The following PCDHGA2 variants were observed in gnomAD, a reference collection of about 807,000 sequenced individuals.
The protein encoded by PCDHGA2 is protocadherin gamma subfamily A, 2, also known as protocadherin gamma-A2.
In PCDHGA2, 40 loss-of-function variants were observed where a neutral mutation model predicts 59.2. The observed-to-expected ratio is 0.68, with a 90% CI of 0.52 to 0.88. PCDHGA2 has a LOEUF of 0.88. PCDHGA2 is among the 40% of genes least tolerant of loss of function. PCDHGA2 has a pLI of 0.00. For synonymous variants in PCDHGA2, 560 were observed against 526.0 expected (o/e 1.06, Z -0.89); for missense variants, 1,226 against 1,204.0 (o/e 1.02, Z -0.27).
At chr5:141,402,019 C>A (rs1354499456) in intron 1 of PCDHGA2, among the ~76,000 whole-genome samples, 1 of 152,084 alleles carries the variant, frequency 6.6e-6, no homozygotes, top group Non-Finnish European at 1.5e-5. Flanking sequence ...GCATTTGAAT[C>A]ATTGAAACAC....
chr5:141,419,423 C>A, intron 1 of PCDHGA2: 1 of 1,613,368 alleles, frequency 6.2e-7, no homozygotes, highest in Non-Finnish European at 8.5e-7. Context: ...CGCCTTCGAC[C>A]ACGAGCAGCT....
intron 1 of PCDHGA2, chr5:141,393,347 C>A: frequency 6.2e-7 from 1 of 1,613,980 alleles, no homozygotes; most frequent in Non-Finnish European, 8.5e-7. Context: ...ATCACCACTT[C>A]TCCCTGGACG....
chr5:141,383,109 T>A, intron 1 of PCDHGA2: 1 of 1,613,908 alleles, frequency 6.2e-7, no homozygotes, highest in Non-Finnish European at 8.5e-7. Context: ...TCTCCAGAGG[T>A]AGGACGCAGC....
intron 1 of PCDHGA2, among the ~76,000 whole-genome samples, chr5:141,348,942 T>C (rs1370921552): frequency 6.6e-6 from 1 of 152,250 alleles, no homozygotes; most frequent in Non-Finnish European, 1.5e-5. Context: ...GTTCTAAGCC[T>C]GGAACTACAG....
At chr5:141,506,993 C>T (rs781663602) in intron 3 of PCDHGA2, 18 of 152,184 alleles carry the variant, frequency 1.2e-4, no homozygotes, top group Non-Finnish European at 1.8e-4. Context: ...TTCTCACACT[C>T]GACAGATGAG....
At chr5:141,388,940 C>A (rs762814414) in intron 1 of PCDHGA2, 1 of 1,613,966 alleles carries the variant, frequency 6.2e-7, no homozygotes, top group South Asian at 1.1e-5. Context: ...CTCTACCCAA[C>A]CTAATTATGG....
chr5:141,386,612 T>C (rs2090642858), intron 1 of PCDHGA2, among the ~76,000 whole-genome samples: 1 of 152,012 alleles, frequency 6.6e-6, no homozygotes, highest in South Asian at 2.1e-4. Context: ...TTTTTTGACA[T>C]GGAGTCTCGC....
At chr5:141,428,204 C>T (rs756271858) in intron 1 of PCDHGA2, 23 of 1,324,604 alleles carry the variant, frequency 1.7e-5, no homozygotes, top group Admixed American at 5.5e-5. Flanking sequence ...TGCGCCGCTA[C>T]GCTTCACCTA....
Position 141,346,916 on chromosome 5 carries a change from A to T in PCDHGA2, c.2424+5521A>T, listed in dbSNP as rs935999484. Among the ~76,000 whole-genome samples the T allele has an allele frequency of 2.0e-5, 3 of 152,270 alleles. No individual in the cohort carries two copies. In the East Asian group the frequency reaches 5.8e-4, roughly 29 times the overall value. On this transcript the variant is annotated intron_variant, in intron 1 of 3. Coordinates refer to ENST00000394576, the MANE Select transcript of PCDHGA2 (RefSeq NM_018915.4). Reference sequence around the variant, plus strand: ...TCCTGATACATACAAGTAAAAATACATATGAATAAAAGATATTTTATGCCC... The same window carrying T: ...TCCTGATACATACAAGTAAAAATACTTATGAATAAAAGATATTTTATGCCC...
intron 1 of PCDHGA2, chr5:141,409,356 A>G: frequency 6.2e-7 from 1 of 1,614,004 alleles, no homozygotes; most frequent in Non-Finnish European, 8.5e-7. Context: ...GTCAGGTGTA[A>G]TATAGAAACA....
chr5:141,340,870 G>C lies in PCDHGA2; in HGVS notation c.1899G>C (p.Leu633=), dbSNP rs1561483312. 6.2e-7 allele frequency: 1 copy of C among 1,613,662 alleles called. No individual in the cohort carries two copies. The change falls in exon 1 of 4, where the codon CTG becomes CTC. Residue 633 remains leucine, a synonymous_variant. Coordinates refer to ENST00000394576, the MANE Select transcript of PCDHGA2 (RefSeq NM_018915.4). ...TGEVRTARAL[L]DRDALKQSLV... ...AGGTGCGCACGGCGCGAGCCCTGCT[G>C]GACAGAGACGCGCTCAAGCAGAGCC...
rs2091100634 is a variant in PCDHGA2 at position 141,387,811 on chromosome 5, A to C, written c.2424+46416A>C. 4 of 1,528,618 alleles carry C rather than the reference A, an allele frequency of 2.6e-6. No individual in the cohort carries two copies. The South Asian group carries it at 5.1e-5, about 19-fold the overall frequency. 94.7% of individuals were successfully genotyped at this position (1,528,618 alleles called of 1,614,324 possible). ...CAACTAAAGTCCGTTCGGAGATCCA[A>C]AAATCTGCAATACAGAGGTTATTTG... On this transcript the variant is annotated intron_variant, in intron 1 of 3. Transcript: ENST00000394576.
intron 1 of PCDHGA2, chr5:141,383,379 A>G: frequency 6.2e-7 from 1 of 1,614,052 alleles, no homozygotes; most frequent in Non-Finnish European, 8.5e-7. Context: ...CTGGGGATCC[A>G]GATGTGGGCA....
Position 141,511,040 on chromosome 5 carries a change from C to T in PCDHGA2, c.2666C>T (p.Pro889Leu), listed in dbSNP as rs770767470. The T allele has an allele frequency of 6.2e-7, 1 of 1,614,216 alleles. No individual in the cohort carries two copies. The highest frequency in any genetic ancestry group is 1.7e-5 in the Admixed American group (1 of 60,034). Reference protein sequence around the residue: ...YGPQFTLQHVPDYRQNVYIPG... With the variant: ...YGPQFTLQHVLDYRQNVYIPG... ...CCCCAGTTCACCCTGCAGCACGTGC[C>T]CGACTACCGCCAGAATGTCTACATC... Residue 889 changes from proline (P) to leucine (L), a missense_variant, in exon 4 of 4, where the codon CCC becomes CTC. Physicochemically the swap from Pro to Leu is moderately conservative, Grantham distance 98. Transcript: ENST00000394576.
At position 141,341,124 on chromosome 5, in the gene PCDHGA2, G is replaced by T; in HGVS notation, c.2153G>T (p.Arg718Leu). 6.2e-7 allele frequency: 1 copy of T among 1,614,212 alleles called. No individual in the cohort carries two copies. The change falls in exon 1 of 4, where the codon CGC (arginine) becomes CTC (leucine). Residue 718 changes from arginine (R) to leucine (L), a missense_variant. Arg to Leu is a moderately radical substitution (Grantham distance 102). Transcript: ENST00000394576. ...GTGTTGCTGGCGCACAGGCTGCGGC[G>T]CTGGCACAAGTCACGCCTGCTGCAG... ...VIVLLAHRLRRWHKSRLLQAS... is the reference protein window; with the variant it reads ...VIVLLAHRLRLWHKSRLLQAS...
In PCDHGA2 at chr5:141,487,636, AC is replaced by A. The variant is rs1562120737; in HGVS notation, c.2425-7170del. On this transcript the variant is annotated intron_variant, in intron 1 of 3. Coordinates refer to ENST00000394576, the MANE Select transcript of PCDHGA2 (RefSeq NM_018915.4). The surrounding 1 kb of genome is among the most constrained non-coding windows in gnomAD (Gnocchi z 5.0). ...TAGAGGTGAGACCTTTGCAGGCTCA[AC>A]AAATGCTTGAGGGTTATTCTGATCC... 1 of 1,614,192 alleles carries A rather than the reference AC, an allele frequency of 6.2e-7. No individual in the cohort carries two copies. The highest frequency in any genetic ancestry group is 2.2e-5 in the East Asian group (1 of 44,886).
At chr5:141,370,504 T>C (rs769995886) in intron 1 of PCDHGA2, 3 of 1,613,950 alleles carry the variant, frequency 1.9e-6, no homozygotes, top group Non-Finnish European at 2.5e-6. Flanking sequence ...CGCTACGCTA[T>C]TCCCGAGGAG....
At chr5:141,469,671 A>T (rs1285283342) in intron 1 of PCDHGA2, among the ~76,000 whole-genome samples, 3 of 152,236 alleles carry the variant, frequency 2.0e-5, no homozygotes, top group Admixed American at 1.3e-4. Flanking sequence ...TTCTAATAAA[A>T]CTACATATGC....
At chr5:141,494,902 C>A (rs2099757367) in intron 2 of PCDHGA2, 37 bp downstream of exon 2, 1 of 1,614,024 alleles carries the variant, frequency 6.2e-7, no homozygotes, top group East Asian at 2.2e-5. Context: ...CTCTTCTCTG[C>A]GGCATTTTCT....
Sources: gnomAD v4.1 joint callset for allele counts (sites outside exome capture counted in the v4.1 genomes callset) on GRCh38, gnomAD v4.1.1 for gene constraint, Gnocchi (gnomAD v3.1) non-coding constraint, MANE v1.5 for transcripts, NCBI Gene and HGNC (gene_info 2026-07-23, HGNC 2026-07-21) for gene names.